Variants in TP63 observed in about 807,000 individuals in gnomAD.
The protein encoded by TP63 is tumor protein p63, also known as tumor protein 63.
TP63 carries 17 observed loss-of-function variants against 82.8 expected under a neutral mutation model. The ratio of observed to expected loss-of-function variants is 0.21; its 90% CI spans 0.14 to 0.31. The LOEUF (loss-of-function observed/expected upper bound fraction) is 0.31. TP63 is among the 10% of genes least tolerant of loss of function. The pLI is 1.00. For missense variants in TP63, 648 were observed against 895.3 expected (o/e 0.72, Z 3.52); for synonymous variants, 330 against 321.7 (o/e 1.03, Z -0.28).
intron 1 of TP63, among the ~76,000 whole-genome samples, chr3:189,684,799 T>G (rs1304199432): frequency 6.6e-6 from 1 of 151,828 alleles, no homozygotes; most frequent in Non-Finnish European, 1.5e-5. Flanking sequence ...CCCAGCTAAT[T>G]TTTTATATTT....
chr3:189,775,147 G>A (rs1039148385), intron 3 of TP63, among the ~76,000 whole-genome samples: 5 of 150,932 alleles, frequency 3.3e-5, no homozygotes, highest in Non-Finnish European at 7.4e-5. Flanking sequence ...TGGAACCTGG[G>A]AGGCGGAGGT....
chr3:189,741,506 G>C (rs190698065), intron 3 of TP63, among the ~76,000 whole-genome samples: 2 of 152,112 alleles, frequency 1.3e-5, no homozygotes, highest in Admixed American at 1.3e-4. Flanking sequence ...TCTTTTCCAC[G>C]TATAGGTTAA....
intron 4 of TP63, among the ~76,000 whole-genome samples, chr3:189,815,401 G>C (rs1338760731): frequency 6.6e-6 from 1 of 152,088 alleles, no homozygotes; most frequent in Non-Finnish European, 1.5e-5. Flanking sequence ...GATAAGTACA[G>C]AAACTGTGGC....
chr3:189,829,711 C>G (rs1267200341), intron 4 of TP63, among the ~76,000 whole-genome samples: 2 of 152,182 alleles, frequency 1.3e-5, no homozygotes, highest in Admixed American at 1.3e-4. Flanking sequence ...TAAAAATTTA[C>G]TTCACTTCTA....
rs529340364 is a variant in TP63 at position 189,648,650 on chromosome 3, A to G, written c.62+17073A>G. 1.5e-3 allele frequency among the ~76,000 whole-genome samples: 226 copies of G among 147,624 alleles called. 18 individuals are homozygous for G. Among genetic ancestry groups the G allele is most frequent in the Non-Finnish European group, 2.7e-3 (182 of 67,376 alleles). ...TGAATCTTAACAGGATTGAGTAATT[A>G]ACTCCAAATCACAAAGCTGGTTAGT... On this transcript the variant is annotated intron_variant, in intron 1 of 13. Coordinates refer to ENST00000264731, the MANE Select transcript of TP63 (RefSeq NM_003722.5).
At chr3:189,649,477 T>C (rs921800010) in intron 1 of TP63, among the ~76,000 whole-genome samples, 1 of 145,884 alleles carries the variant, frequency 6.9e-6, no homozygotes, top group Non-Finnish European at 1.5e-5. Context: ...AATTGAAGGA[T>C]AGAGGGTGAG....
chr3:189,821,595 C>T (rs927918149), intron 4 of TP63, among the ~76,000 whole-genome samples: 13 of 152,298 alleles, frequency 8.5e-5, no homozygotes, highest in Non-Finnish European at 1.2e-4. Flanking sequence ...TCCTAAGCCT[C>T]GCTTAAAGCA....
chr3:189,667,875 G>A (rs1298410412), intron 1 of TP63, among the ~76,000 whole-genome samples: 1 of 152,000 alleles, frequency 6.6e-6, no homozygotes, highest in East Asian at 1.9e-4. Flanking sequence ...AGATGTGAAA[G>A]CATCTATAGA....
At chr3:189,739,769 A>G (rs998433649) in intron 3 of TP63, among the ~76,000 whole-genome samples, 5 of 150,918 alleles carry the variant, frequency 3.3e-5, no homozygotes, top group Non-Finnish European at 5.9e-5. Context: ...GCAGTTTCAT[A>G]ATGCTGGTGG....
chr3:189,882,844 T>C (rs918153489), intron 10 of TP63, among the ~76,000 whole-genome samples: 2 of 152,168 alleles, frequency 1.3e-5, no homozygotes, highest in Non-Finnish European at 2.9e-5. Flanking sequence ...TGCAGAAGCT[T>C]ATATTGTTAA....
intron 4 of TP63, among the ~76,000 whole-genome samples, chr3:189,848,239 T>TTTCTCTCTCTCTCTCTCTCTC (rs1715150379): frequency 1.0e-5 from 1 of 95,984 alleles, no homozygotes; most frequent in Non-Finnish European, 2.0e-5. Flanking sequence ...CTCCTCCTCC[T>TTTCTCTCTCTCTCTCTCTCTC]TCTCTCTCTC....
intron 9 of TP63, among the ~76,000 whole-genome samples, chr3:189,871,229 T>G (rs1289629017): frequency 6.6e-6 from 1 of 152,168 alleles, no homozygotes; most frequent in Non-Finnish European, 1.5e-5. Context: ...AAAACTCCAT[T>G]AATTTAATAT....
chr3:189,819,007 T>C (rs1051023903), intron 4 of TP63, among the ~76,000 whole-genome samples: 6 of 152,160 alleles, frequency 3.9e-5, no homozygotes, highest in African/African-American at 1.4e-4. Flanking sequence ...TACAAAACCA[T>C]GGATTTAGTG....
intron 1 of TP63, among the ~76,000 whole-genome samples, chr3:189,730,402 T>A (rs933255128): frequency 1.3e-5 from 2 of 152,212 alleles, no homozygotes; most frequent in Non-Finnish European, 2.9e-5. Context: ...GAGACAGAAT[T>A]AGTAAAATAT....
At chr3:189,866,607 G>A in intron 5 of TP63, 75 bp from the exon 6 acceptor site, 1 of 1,350,552 alleles carries the variant, frequency 7.4e-7, no homozygotes, top group Non-Finnish European at 1.0e-6. Context: ...CCAACATCCT[G>A]TTCATGCAAT....
chr3:189,856,614 G>A (rs1405368201), intron 4 of TP63, among the ~76,000 whole-genome samples: 1 of 151,872 alleles, frequency 6.6e-6, no homozygotes, highest in Non-Finnish European at 1.5e-5. Context: ...TATGTAGATC[G>A]TAAGGAAGGC....
intron 3 of TP63, among the ~76,000 whole-genome samples, chr3:189,746,505 A>T (rs1721387346): frequency 6.6e-6 from 1 of 152,022 alleles, no homozygotes; most frequent in African/African-American, 2.4e-5. Context: ...ACATAAAAAC[A>T]AAGAAAAGTC....
chr3:189,882,127 G>A (rs982757013), intron 10 of TP63, among the ~76,000 whole-genome samples: 3 of 152,018 alleles, frequency 2.0e-5, no homozygotes, highest in African/African-American at 7.2e-5. Flanking sequence ...TTTGCAAGGT[G>A]TTTTTCAATT....
chr3:189,894,964 G>T lies in TP63; in HGVS notation c.*462G>T. On this transcript the variant is annotated 3_prime_UTR_variant, in exon 14 of 14. Coordinates refer to ENST00000264731, the MANE Select transcript of TP63 (RefSeq NM_003722.5). ...ATTTTTTAATTTACTTGTTTTGGAT[G>T]GCTTGTCTATACTCCTTCCCTTAAG... is the stretch of plus-strand genomic sequence containing the variant. 1 of 222,026 alleles carries T rather than the reference G, an allele frequency of 4.5e-6. No homozygotes were observed. Among genetic ancestry groups the T allele is most frequent in the East Asian group, 6.9e-5 (1 of 14,538 alleles). The allele number at this position is 222,026 out of a possible 1,614,324, so 13.8% of individuals were successfully genotyped here.
Sources: allele counts gnomAD v4.1 joint callset (sites outside exome capture counted in the v4.1 genomes callset), GRCh38; gene constraint gnomAD v4.1.1; transcripts MANE v1.5; gene names NCBI Gene and HGNC (gene_info 2026-07-23, HGNC 2026-07-21).